Variants in BLNK observed in about 807,000 individuals in gnomAD.
The protein encoded by BLNK is B cell linker, also known as B-cell linker protein.
BLNK carries 29 observed loss-of-function variants against 73.5 expected under a neutral mutation model. The ratio of observed to expected loss-of-function variants is 0.39; its 90% CI spans 0.29 to 0.54. BLNK has a LOEUF of 0.54. Among genes scored for constraint, BLNK ranks in the 20% least tolerant of loss-of-function variants. The pLI is 0.61. For missense variants in BLNK, 460 were observed against 562.8 expected (o/e 0.82, Z 1.85); for synonymous variants, 176 against 200.8 (o/e 0.88, Z 1.04).
intron 1 of BLNK, among the ~76,000 whole-genome samples, chr10:96,251,049 G>A (rs1477268870): frequency 4.6e-5 from 7 of 152,016 alleles, no homozygotes; most frequent in South Asian, 4.1e-4. Flanking sequence ...AAATCTTTTC[G>A]TCTAGCTATT....
At chr10:96,203,105 CTTTA>C (rs1554896630) in intron 13 of BLNK, among the ~76,000 whole-genome samples, 2 of 152,154 alleles carry the variant, frequency 1.3e-5, no homozygotes, top group Non-Finnish European at 2.9e-5. Flanking sequence ...AGGACAGGGT[CTTTA>C]TTTGTTTCGT....
At chr10:96,227,697 T>A in intron 4 of BLNK, 131 bp from the exon 5 acceptor site, 1 of 1,408,894 alleles carries the variant, frequency 7.1e-7, no homozygotes, top group Non-Finnish European at 9.9e-7. Context: ...TTCAAAAGGC[T>A]AGGCAGCCGA....
chr10:96,206,922 CA>C lies in BLNK; in HGVS notation c.817+88del. 5 of 1,402,062 alleles carry C rather than the reference CA, an allele frequency of 3.6e-6. No individual in the cohort carries two copies. In the East Asian group the frequency reaches 6.9e-5, roughly 19 times the overall value. The allele number at this position is 1,402,062 out of a possible 1,614,324, so 86.9% of individuals were successfully genotyped here. A position where few individuals can be genotyped will look rare whatever the true frequency, so the allele number is the denominator to read the frequency against. On this transcript the variant is annotated intron_variant, in intron 11 of 16. Coordinates refer to ENST00000224337, the MANE Select transcript of BLNK (RefSeq NM_013314.4). Reference sequence around the variant, plus strand: ...TTGAGTTTCATGTTTACAATTGCCCCAAAAATAATGTAATAAATGTGTACAT... The same window carrying C: ...TTGAGTTTCATGTTTACAATTGCCCCAAAATAATGTAATAAATGTGTACAT...
chr10:96,236,610 C>T (rs1251594222), intron 3 of BLNK, among the ~76,000 whole-genome samples: 1 of 152,068 alleles, frequency 6.6e-6, no homozygotes, highest in African/African-American at 2.4e-5. Context: ...TCACTGGAGG[C>T]CGGGAATTTG....
At position 96,190,396 on chromosome 10, in the gene BLNK, C is replaced by G. The variant is rs1427932045; in HGVS notation, c.*1577G>C. Among the ~76,000 whole-genome samples, 1 of 152,154 alleles carries G rather than the reference C, an allele frequency of 6.6e-6. No individual in the cohort carries two copies. Among genetic ancestry groups the G allele is most frequent in the Non-Finnish European group, 1.5e-5 (1 of 68,036 alleles). Reference sequence around the variant, plus strand: ...TTCCTAATTTTATAAGGACACCAGCCATTGTATTAAGGCCCACCCTACTGA... The same window carrying G: ...TTCCTAATTTTATAAGGACACCAGCGATTGTATTAAGGCCCACCCTACTGA... On this transcript the variant is annotated 3_prime_UTR_variant, in exon 17 of 17. Transcript: ENST00000224337.
At chr10:96,208,367 G>A (rs1265690948) in intron 9 of BLNK, among the ~76,000 whole-genome samples, 10 of 152,188 alleles carry the variant, frequency 6.6e-5, no homozygotes, top group African/African-American at 2.4e-4. Flanking sequence ...GGTTGCAGCT[G>A]CACTTGCCCA....
intron 7 of BLNK, chr10:96,216,372 G>A (rs1188017330): frequency 2.0e-5 from 9 of 459,526 alleles, no homozygotes; most frequent in Non-Finnish European, 3.2e-5. Flanking sequence ...CATTTGAAGC[G>A]AGGGCAGCTG....
chr10:96,232,373 C>A (rs1554904176), intron 3 of BLNK, among the ~76,000 whole-genome samples: 1 of 146,830 alleles, frequency 6.8e-6, no homozygotes, highest in Admixed American at 6.8e-5. Context: ...TTTCCCAGAA[C>A]CTCAACAGAA....
At chr10:96,255,961 T>C (rs117480177) in intron 1 of BLNK, among the ~76,000 whole-genome samples, 4,323 of 152,346 alleles carry the variant, frequency 0.028, 92 homozygotes, top group Non-Finnish European at 0.042. Flanking sequence ...CTGAGCTCCA[T>C]GCCCATATAG....
At chr10:96,204,425 A>G in intron 12 of BLNK, 107 bp downstream of exon 12, 1 of 1,274,072 alleles carries the variant, frequency 7.8e-7, no homozygotes, top group Non-Finnish European at 1.1e-6. Context: ...GAAATGTTGG[A>G]TTTTTACCTA....
chr10:96,235,677 A>G (rs1245060333), intron 3 of BLNK, among the ~76,000 whole-genome samples: 2 of 152,214 alleles, frequency 1.3e-5, no homozygotes, highest in African/African-American at 4.8e-5. Flanking sequence ...AAAAACTTGC[A>G]TGAGGCCATG....
At chr10:96,197,130 AT>A (rs1167554958) in intron 15 of BLNK, 67 bp from the exon 16 acceptor site, 2 of 1,356,186 alleles carry the variant, frequency 1.5e-6, no homozygotes, top group African/African-American at 3.0e-5. Context: ...GGTTCAAAAA[AT>A]CATTTTGTGA....
chr10:96,203,750 T>G (rs943805410), intron 13 of BLNK: 6 of 234,180 alleles, frequency 2.6e-5, no homozygotes, highest in Non-Finnish European at 5.0e-5. Context: ...TTACTTGATC[T>G]TATTATTTTG....
At chr10:96,264,904 C>T (rs1319145983) in intron 1 of BLNK, among the ~76,000 whole-genome samples, 1 of 152,140 alleles carries the variant, frequency 6.6e-6, no homozygotes, top group Non-Finnish European at 1.5e-5. Flanking sequence ...TGTCCTTAGG[C>T]AACATATTCT....
At position 96,243,751 on chromosome 10, in the gene BLNK, T is replaced by C. The variant is rs933009534; in HGVS notation, c.114-967A>G. 7.9e-5 allele frequency among the ~76,000 whole-genome samples: 12 copies of C among 152,172 alleles called. 1 individual carries two copies. Among genetic ancestry groups the C allele is most frequent in the Non-Finnish European group, 1.3e-4 (9 of 68,030 alleles). ...TAAAAGAAGAAAATTGAAATTACAT[T>C]TTAGAAAACTATTCCAAGTTTTGTA... On this transcript the variant is annotated intron_variant, in intron 2 of 16. Transcript: ENST00000224337.
rs111719995 is a variant in BLNK at position 96,254,185 on chromosome 10, A to G, written c.48-7136T>C. Among the ~76,000 whole-genome samples the G allele has an allele frequency of 3.3e-5, 5 of 152,316 alleles. 1 individual carries two copies. Among genetic ancestry groups the G allele is most frequent in the African/African-American group, 1.2e-4 (5 of 41,568 alleles). ...CACCATAGCCTGGAATAGCTTTAAC[A>G]GCAAATCTTACTATTTTCTCCATAA... On this transcript the variant is annotated intron_variant, in intron 1 of 16. Coordinates refer to ENST00000224337, the MANE Select transcript of BLNK (RefSeq NM_013314.4).
At chr10:96,195,430 T>C (rs1276041625) in intron 16 of BLNK, among the ~76,000 whole-genome samples, 1 of 152,184 alleles carries the variant, frequency 6.6e-6, no homozygotes, top group East Asian at 1.9e-4. Flanking sequence ...TGATGGATGT[T>C]AGACACACAA....
rs183532878 is a variant in BLNK, at chr10:96,199,821, C to T, written c.1095+254G>A. On this transcript the variant is annotated intron_variant, in intron 15 of 16. Transcript: ENST00000224337. Reference sequence around the variant, plus strand: ...GGCAGATCAACTGAGGTCAGGAGTTCGAGAGCAGCCTGGCCAACATGGTAA... The same window carrying T: ...GGCAGATCAACTGAGGTCAGGAGTTTGAGAGCAGCCTGGCCAACATGGTAA... 1.0e-4 allele frequency: 25 copies of T among 240,926 alleles called. No homozygotes were observed. In the East Asian group the frequency reaches 2.1e-3, roughly 21 times the overall value. The allele number at this position is 240,926 out of a possible 1,614,324, so 14.9% of individuals were successfully genotyped here. A position where few individuals can be genotyped will look rare whatever the true frequency, so the allele number is the denominator to read the frequency against.
At chr10:96,204,232 G>T (rs186624423) in intron 12 of BLNK, 144 bp from the exon 13 acceptor site, 1 of 934,520 alleles carries the variant, frequency 1.1e-6, no homozygotes, top group East Asian at 2.4e-5. Flanking sequence ...AAAGATAAAA[G>T]AGCCACCAAA....
Sources: gnomAD v4.1 joint callset for allele counts (sites outside exome capture counted in the v4.1 genomes callset) on GRCh38, gnomAD v4.1.1 for gene constraint, MANE v1.5 for transcripts, NCBI Gene and HGNC (gene_info 2026-07-23, HGNC 2026-07-21) for gene names.